CYTH3: variants seen among roughly 807,000 people sequenced by gnomAD.
CYTH3 encodes cytohesin 3, also known as cytohesin-3.
In CYTH3, 23 loss-of-function variants were observed where a neutral mutation model predicts 55.1. The ratio of observed to expected loss-of-function variants is 0.42; its 90% CI spans 0.30 to 0.59. The LOEUF (loss-of-function observed/expected upper bound fraction) is 0.59. CYTH3 is among the 20% of genes least tolerant of loss of function. The pLI, the probability that CYTH3 is intolerant of heterozygous loss-of-function variation, is 0.20. For synonymous variants in CYTH3, 249 were observed against 194.9 expected, an observed-to-expected ratio of 1.28 and a Z score of -2.31; for missense variants, 413 against 524.8, an observed-to-expected ratio of 0.79 and a Z score of 2.08.
chr7:6,252,969 C>G (rs911630141), intron 1 of CYTH3, among the ~76,000 whole-genome samples: 4 of 152,148 alleles, frequency 2.6e-5, no homozygotes, highest in African/African-American at 4.8e-5. Context: ...CACACACATT[C>G]CACTGACATC....
chr7:6,165,897 CT>C, intron 9 of CYTH3, 87 bp from the exon 10 acceptor site: 1 of 1,366,356 alleles, frequency 7.3e-7, no homozygotes, highest in South Asian at 1.2e-5. Context: ...GCACAGACCA[CT>C]GCGTTTTCAG....
At chr7:6,263,883 C>A (rs141981542) in intron 1 of CYTH3, among the ~76,000 whole-genome samples, 43 of 151,952 alleles carry the variant, frequency 2.8e-4, no homozygotes, top group Non-Finnish European at 3.7e-4. Flanking sequence ...TATATATAAT[C>A]ACAAGGATAA....
intron 1 of CYTH3, among the ~76,000 whole-genome samples, chr7:6,218,345 A>G (rs1784470780): frequency 6.6e-6 from 1 of 152,150 alleles, no homozygotes. Context: ...TTGAAGATGG[A>G]GAGAGGGGTC....
At chr7:6,191,416 G>T (rs988894074) in intron 1 of CYTH3, among the ~76,000 whole-genome samples, 8 of 152,150 alleles carry the variant, frequency 5.3e-5, no homozygotes, top group Admixed American at 5.2e-4. Flanking sequence ...CAATAAATAT[G>T]TGTGAAAACA....
At chr7:6,190,419 GGA>G in intron 2 of CYTH3, 28 bp downstream of exon 2, 2 of 1,372,740 alleles carry the variant, frequency 1.5e-6, no homozygotes, top group Non-Finnish European at 1.9e-6. Context: ...ACAGAGTTTT[GGA>G]TTTTTGGTTT....
chr7:6,205,875 TAAAAA>T (rs370194149), intron 1 of CYTH3, among the ~76,000 whole-genome samples: 6 of 28,074 alleles, frequency 2.1e-4, no homozygotes, highest in African/African-American at 9.4e-4. Flanking sequence ...TCCTATCTCT[TAAAAA>T]AAAAAAAAAA....
At chr7:6,177,313 C>G (rs576414005) in intron 5 of CYTH3, among the ~76,000 whole-genome samples, 14 of 152,360 alleles carry the variant, frequency 9.2e-5, no homozygotes, top group African/African-American at 3.4e-4. Context: ...TGACAAAAGT[C>G]TGTTTGCCAT....
At chr7:6,240,275 C>T (rs1268174485) in intron 1 of CYTH3, among the ~76,000 whole-genome samples, 24 of 142,852 alleles carry the variant, frequency 1.7e-4, no homozygotes. Flanking sequence ...TGTACTCCAG[C>T]CTGGGAGACT....
At position 6,190,432 on chromosome 7, in the gene CYTH3, T is replaced by C. The variant is rs745658187; in HGVS notation, c.117+17A>G. The C allele has an allele frequency of 7.3e-7, 1 of 1,368,308 alleles. No homozygotes were observed. Among genetic ancestry groups the C allele is most frequent in the Non-Finnish European group, 9.6e-7 (1 of 1,043,732 alleles). 84.8% of individuals were successfully genotyped at this position (1,368,308 alleles called of 1,614,324 possible). The stretch of plus-strand genomic sequence containing the variant: ...AAACAGAGTTTTGGATTTTTGGTTT[T>C]TTTTTTTTTTTTTTACCTCAATGTC... On this transcript the variant is annotated intron_variant, in intron 2 of 12. Transcript: ENST00000350796.
At chr7:6,186,714 G>A (rs141746627) in intron 4 of CYTH3, among the ~76,000 whole-genome samples, 16 of 152,264 alleles carry the variant, frequency 1.1e-4, no homozygotes, top group Non-Finnish European at 1.9e-4. Context: ...CAGGTCAAGC[G>A]GGAAGATGCG....
At chr7:6,231,163 G>C (rs917149739) in intron 1 of CYTH3, among the ~76,000 whole-genome samples, 2 of 152,242 alleles carry the variant, frequency 1.3e-5, no homozygotes, top group Non-Finnish European at 2.9e-5. Context: ...CATGAGTGGG[G>C]ACGGGCAGAG....
At chr7:6,269,649 C>T (rs1464162452) in intron 1 of CYTH3, among the ~76,000 whole-genome samples, 1 of 152,090 alleles carries the variant, frequency 6.6e-6, no homozygotes, top group Non-Finnish European at 1.5e-5. Flanking sequence ...GAATTAAAAA[C>T]GACTTAACTA....
chr7:6,211,324 T>C (rs924127007), intron 1 of CYTH3, among the ~76,000 whole-genome samples: 1 of 152,250 alleles, frequency 6.6e-6, no homozygotes, highest in South Asian at 2.1e-4. Flanking sequence ...TAGCACTTTT[T>C]ACCCAGAGTG....
intron 1 of CYTH3, 120 bp downstream of exon 1, chr7:6,272,354 G>T: frequency 1.0e-6 from 1 of 1,004,064 alleles, no homozygotes; most frequent in Non-Finnish European, 1.3e-6. Flanking sequence ...GGACGCCGCT[G>T]CCGCTGCCCC....
At chr7:6,237,181 C>A (rs1392316555) in intron 1 of CYTH3, among the ~76,000 whole-genome samples, 5 of 152,316 alleles carry the variant, frequency 3.3e-5, no homozygotes, top group Admixed American at 1.3e-4. Context: ...CACAAACTGT[C>A]TTCTCAATCC....
At chr7:6,269,849 G>A (rs1373374759) in intron 1 of CYTH3, among the ~76,000 whole-genome samples, 2 of 152,112 alleles carry the variant, frequency 1.3e-5, no homozygotes, top group Non-Finnish European at 2.9e-5. Flanking sequence ...AATTTTTCAA[G>A]TCTTTTAACC....
intron 1 of CYTH3, among the ~76,000 whole-genome samples, chr7:6,193,969 C>T (rs1030204429): frequency 6.6e-6 from 1 of 152,172 alleles, no homozygotes; most frequent in East Asian, 1.9e-4. Context: ...TTCTCTGAAG[C>T]ATCCCACAGG....
At chr7:6,190,081 C>T (rs1346886310) in intron 2 of CYTH3, among the ~76,000 whole-genome samples, 8 of 152,172 alleles carry the variant, frequency 5.3e-5, no homozygotes, top group Admixed American at 2.6e-4. Context: ...TATTAGTTAA[C>T]GAAAGAGGGT....
At chr7:6,175,364 T>TG (rs1783318332) in intron 5 of CYTH3, among the ~76,000 whole-genome samples, 1 of 152,168 alleles carries the variant, frequency 6.6e-6, no homozygotes, top group Non-Finnish European at 1.5e-5. Flanking sequence ...CTACCTACTT[T>TG]TACCCAGCAC....
Sources: gnomAD v4.1 joint callset for allele counts (sites outside exome capture counted in the v4.1 genomes callset) on GRCh38, gnomAD v4.1.1 for gene constraint, MANE v1.5 for transcripts, NCBI Gene and HGNC (gene_info 2026-07-23, HGNC 2026-07-21) for gene names.